COL6A6: variants seen among roughly 807,000 people sequenced by gnomAD.
COL6A6 encodes the protein collagen alpha-6(VI) chain.
Under a neutral mutation model 208.6 loss-of-function variants are expected in COL6A6, and 183 were observed. The ratio of observed to expected loss-of-function variants is 0.88; its 90% confidence interval spans 0.78 to 0.99. The LOEUF (loss-of-function observed/expected upper bound fraction) is 0.99. Ranked by LOEUF, COL6A6 falls within the 50% of genes least tolerant of loss-of-function variation. The probability of loss-of-function intolerance (pLI) is 0.00; values close to 1 mark genes in which losing one functional copy is unlikely to be tolerated. For missense variants in COL6A6, 2,816 were observed against 2,815.2 expected (o/e 1.00, Z -0.01); for synonymous variants, 973 against 1,011.8 (o/e 0.96, Z 0.73).
At chr3:130,528,555 G>C (rs1337578896) in intron 1 of COL6A6, among the ~76,000 whole-genome samples, 1 of 152,212 alleles carries the variant, frequency 6.6e-6, no homozygotes, top group Admixed American at 6.5e-5. Flanking sequence ...TGCAGCCGTA[G>C]ATAGTACATA....
At chr3:130,648,995 A>T (rs960298007) in intron 32 of COL6A6, 74 bp from the exon 33 acceptor site, 1 of 1,257,050 alleles carries the variant, frequency 8.0e-7, no homozygotes, top group Non-Finnish European at 1.1e-6. Context: ...AACATTTAAA[A>T]TTACTTTGCC....
chr3:130,650,610 CAA>C (rs3074296), intron 33 of COL6A6, among the ~76,000 whole-genome samples: 1 of 127,940 alleles, frequency 7.8e-6, no homozygotes. Flanking sequence ...CCTCTGTCTC[CAA>C]AAAAAAAAAG....
At chr3:130,586,698 C>G in intron 11 of COL6A6, 38 bp downstream of exon 11, 3 of 1,581,662 alleles carry the variant, frequency 1.9e-6, no homozygotes, top group Non-Finnish European at 2.6e-6. Context: ...CTTAAATTTT[C>G]AATTATTTTG....
chr3:130,666,504 T>C (rs922893090), intron 36 of COL6A6, among the ~76,000 whole-genome samples: 1 of 152,168 alleles, frequency 6.6e-6, no homozygotes, highest in African/African-American at 2.4e-5. Context: ...ATATAAAGAA[T>C]AGCAAGATAG....
chr3:130,651,198 C>A (rs377003865), intron 33 of COL6A6, among the ~76,000 whole-genome samples: 338 of 152,172 alleles, frequency 2.2e-3, no homozygotes, highest in African/African-American at 7.8e-3. Context: ...GAGGCTGAGG[C>A]GGGCAGATCA....
At chr3:130,573,817 C>T (rs142776279) in intron 7 of COL6A6, 139 bp from the exon 8 acceptor site, 141 of 607,948 alleles carry the variant, frequency 2.3e-4, no homozygotes, top group African/African-American at 2.2e-3. Flanking sequence ...GATCTGCCCG[C>T]CTCGGCCTCC....
chr3:130,641,084 A>G (rs2065292803), intron 28 of COL6A6, among the ~76,000 whole-genome samples: 1 of 152,252 alleles, frequency 6.6e-6, no homozygotes, highest in Admixed American at 6.5e-5. Flanking sequence ...AATGCCTGAC[A>G]GTAACTGACA....
intron 20 of COL6A6, among the ~76,000 whole-genome samples, chr3:130,606,122 T>A (rs188427760): frequency 6.6e-6 from 1 of 152,350 alleles, no homozygotes; most frequent in East Asian, 1.9e-4. Flanking sequence ...TCAGAGAACA[T>A]CTCAAATTTC....
At chr3:130,615,502 A>ATC (rs2064490233) in intron 23 of COL6A6, among the ~76,000 whole-genome samples, 2 of 152,168 alleles carry the variant, frequency 1.3e-5, no homozygotes, top group African/African-American at 4.8e-5. Context: ...TCCTGCCTGC[A>ATC]TGATCTGCCT....
chr3:130,648,340 A>G (rs981299081), intron 32 of COL6A6, among the ~76,000 whole-genome samples: 1 of 152,224 alleles, frequency 6.6e-6, no homozygotes, highest in Non-Finnish European at 1.5e-5. Context: ...TATAACAGCA[A>G]TGGTTGACAT....
chr3:130,611,624 A>T (rs770666752), intron 23 of COL6A6, among the ~76,000 whole-genome samples: 3 of 152,206 alleles, frequency 2.0e-5, no homozygotes, highest in African/African-American at 7.2e-5. Context: ...ACAGTTGGAA[A>T]TTGTGTTCTC....
At chr3:130,522,035 A>G (rs1711102273) in intron 1 of COL6A6, among the ~76,000 whole-genome samples, 1 of 152,212 alleles carries the variant, frequency 6.6e-6, no homozygotes, top group Non-Finnish European at 1.5e-5. Context: ...GGGAGAACCC[A>G]GTCTACCATA....
intron 34 of COL6A6, 94 bp downstream of exon 34, chr3:130,658,866 C>T (rs1028481680): frequency 5.3e-5 from 45 of 852,948 alleles, no homozygotes; most frequent in Middle Eastern, 2.8e-4. Flanking sequence ...AGCAGGGATA[C>T]TTATGGCCTT....
rs1409951941 is a variant in COL6A6, at chr3:130,568,286, A to G, written c.2083A>G (p.Ile695Val). 1.2e-6 allele frequency: 2 copies of G among 1,614,032 alleles called. No homozygotes were observed. The highest frequency in any genetic ancestry group is 2.2e-5 in the South Asian group (2 of 91,082). ...AAATGCAATAGACCAAATGGCTCAC[A>G]TTGGACAAACCACCCTGACTGGTAG... is the stretch of plus-strand genomic sequence containing the variant. ...ISNAIDQMAH[I>V]GQTTLTGSAL... Residue 695 changes from isoleucine (I) to valine (V), a missense_variant, in exon 6 of 37, where the codon ATT (isoleucine) becomes GTT (valine). Ile to Val is a conservative substitution (Grantham distance 29, BLOSUM62 3). Coordinates refer to ENST00000358511, the MANE Select transcript of COL6A6 (RefSeq NM_001102608.3).
intron 20 of COL6A6, among the ~76,000 whole-genome samples, chr3:130,602,894 A>C (rs554402890): frequency 6.6e-6 from 1 of 152,196 alleles, no homozygotes; most frequent in South Asian, 2.1e-4. Flanking sequence ...ATCAGCATGC[A>C]TCATTCTCAT....
chr3:130,574,030 A>G lies in COL6A6; in HGVS notation c.3052A>G (p.Lys1018Glu). 6.2e-7 allele frequency: 1 copy of G among 1,613,920 alleles called. No homozygotes were observed. Among genetic ancestry groups the G allele is most frequent in the Non-Finnish European group, 8.5e-7 (1 of 1,179,810 alleles). Residue 1018 changes from lysine to glutamate, a missense_variant, in exon 8 of 37, where the codon AAA (lysine) becomes GAA (glutamate). Coordinates refer to ENST00000358511, the MANE Select transcript of COL6A6 (RefSeq NM_001102608.3). ...STSIQPNDFK[K>E]MKEFLASVVQ... is the part of the protein sequence containing the mutation. Reference sequence around the variant, plus strand: ...TAGCATTCAGCCAAATGACTTCAAGAAAATGAAGGAATTTCTGGCATCTGT... The same window carrying G: ...TAGCATTCAGCCAAATGACTTCAAGGAAATGAAGGAATTTCTGGCATCTGT...
At chr3:130,590,268 TATATATATATATATATATATATA>T (rs1560034322) in intron 12 of COL6A6, among the ~76,000 whole-genome samples, 1 of 16,748 alleles carries the variant, frequency 6.0e-5, no homozygotes, top group African/African-American at 2.5e-4. Context: ...TATATATATA[TATATATATATATATATATATATA>T]TATATATATT....
intron 33 of COL6A6, among the ~76,000 whole-genome samples, chr3:130,656,500 T>C (rs1280458691): frequency 2.0e-5 from 3 of 152,156 alleles, no homozygotes; most frequent in Admixed American, 6.5e-5. Flanking sequence ...CCAGGGTTTT[T>C]ATGGGTTTCA....
chr3:130,644,872 C>T, intron 31 of COL6A6, 119 bp from the exon 32 acceptor site: 2 of 865,368 alleles, frequency 2.3e-6, no homozygotes, highest in Admixed American at 1.8e-5. Flanking sequence ...AACTCTGTTG[C>T]CTTGATTTTT....
Sources: allele counts gnomAD v4.1 joint callset (sites outside exome capture counted in the v4.1 genomes callset), GRCh38; gene constraint gnomAD v4.1.1; transcripts MANE v1.5; gene names NCBI Gene and HGNC (gene_info 2026-07-23, HGNC 2026-07-21).